Variants in GTF2IRD1 observed in about 807,000 individuals in gnomAD.
GTF2IRD1 encodes general transcription factor II-I repeat domain-containing protein 1.
A neutral mutation model predicts 113.2 loss-of-function variants in GTF2IRD1; 26 were observed. The observed-to-expected ratio is 0.23, with a 90% CI of 0.17 to 0.32. GTF2IRD1 has a LOEUF of 0.32. GTF2IRD1 is among the 10% of genes least tolerant of loss of function. GTF2IRD1 has a pLI of 1.00. For missense variants in GTF2IRD1, 864 were observed against 1,280.8 expected (o/e 0.67, Z 4.97); for synonymous variants, 484 against 529.1 (o/e 0.91, Z 1.17).
At position 74,465,535 on chromosome 7, in the gene GTF2IRD1, C is replaced by G. The variant is rs75638967; in HGVS notation, c.-7+11359C>G. Among the ~76,000 whole-genome samples, 482 of 152,258 alleles carry G rather than the reference C, an allele frequency of 3.2e-3. 5 individuals are homozygous for G. Among genetic ancestry groups the G allele is most frequent in the African/African-American group, 0.011 (464 of 41,546 alleles). The stretch of plus-strand genomic sequence containing the variant: ...AGGATAGTTTTCTTATATAGTATTG[C>G]CAGGTTCTTGGGAAAATCAGTGTAT... On this transcript the variant is annotated intron_variant, in intron 1 of 26. Coordinates refer to ENST00000424337, the MANE Select transcript of GTF2IRD1 (RefSeq NM_005685.4).
chr7:74,558,343 G>C (rs1365668260), intron 20 of GTF2IRD1, among the ~76,000 whole-genome samples: 1 of 74,010 alleles, frequency 1.4e-5, no homozygotes, highest in Non-Finnish European at 2.8e-5. Context: ...TTTTTCTTTC[G>C]TTTCTTTTTT....
At chr7:74,530,340 T>C (rs1480999492) in intron 9 of GTF2IRD1, among the ~76,000 whole-genome samples, 1 of 151,964 alleles carries the variant, frequency 6.6e-6, no homozygotes. Flanking sequence ...GCAGAATGAA[T>C]GGGTTCTCTA....
intron 22 of GTF2IRD1, among the ~76,000 whole-genome samples, chr7:74,584,087 G>A (rs1435798409): frequency 6.6e-6 from 1 of 152,230 alleles, no homozygotes; most frequent in Middle Eastern, 3.4e-3. Flanking sequence ...ACACAGCCAG[G>A]AAAAAGAGAC....
rs568560400 is a variant in GTF2IRD1, at chr7:74,505,027, T to G, written c.-6-3048T>G. ...CTGGCCCTGCTATCAGAATTTTTAT[T>G]TTTTATTTAAAAGACAGGGTCTTGC... On this transcript the variant is annotated intron_variant, in intron 1 of 26. Coordinates refer to ENST00000424337, the MANE Select transcript of GTF2IRD1 (RefSeq NM_005685.4). Among the ~76,000 whole-genome samples, 85 of 151,976 alleles carry G rather than the reference T, an allele frequency of 5.6e-4. 2 individuals carry two copies. Among genetic ancestry groups the G allele is most frequent in the African/African-American group, 1.9e-3 (77 of 41,490 alleles).
chr7:74,485,048 C>T (rs1554335349), intron 1 of GTF2IRD1, among the ~76,000 whole-genome samples: 1 of 152,160 alleles, frequency 6.6e-6, no homozygotes, highest in Non-Finnish European at 1.5e-5. Context: ...CTTCTGGCCT[C>T]AGATGCGTGG....
At position 74,523,398 on chromosome 7, in the gene GTF2IRD1, T is replaced by A. The variant is rs1453009610; in HGVS notation, c.1007-673T>A. Among the ~76,000 whole-genome samples the A allele has an allele frequency of 4.0e-5, 6 of 151,820 alleles. No homozygotes were observed. In the South Asian group the frequency reaches 6.2e-4, roughly 16 times the overall value. Reference sequence around the variant, plus strand: ...AGAGTGAGACCCTGTCTCTATTTTTTTAAAAAAATTTAAATTAAAAAATAA... The same window carrying A: ...AGAGTGAGACCCTGTCTCTATTTTTATAAAAAAATTTAAATTAAAAAATAA... On this transcript the variant is annotated intron_variant, in intron 7 of 26. Transcript: ENST00000424337.
intron 20 of GTF2IRD1, 87 bp from the exon 21 acceptor site, chr7:74,558,774 T>A (rs1441517330): frequency 1.1e-4 from 115 of 1,040,170 alleles, no homozygotes; most frequent in Non-Finnish European, 1.4e-4. Flanking sequence ...CACGCATGTC[T>A]TTCCATCACA....
At position 74,518,155 on chromosome 7, in the gene GTF2IRD1, G is replaced by C; in HGVS notation, c.438G>C (p.Arg146Ser). 4 of 1,595,242 alleles carry C rather than the reference G, an allele frequency of 2.5e-6. No homozygotes were observed. Among genetic ancestry groups the C allele is most frequent in the South Asian group, 1.1e-5 (1 of 89,680 alleles). ...CCCCTACAGGCGAGGCCCTGGGAAG[G>C]GCCAGTGTGGTGCCACTGCCCTATG... ...FDVLYSEALG[R>S]ASVVPLPYER... Residue 146 changes from arginine to serine, a missense_variant, in exon 5 of 27, where the codon AGG becomes AGC. Around this residue, in one of 7 missense-constraint regions of GTF2IRD1, gnomAD observed 182 missense variants for 266.6 expected, o/e 0.68. Coordinates refer to ENST00000424337, the MANE Select transcript of GTF2IRD1 (RefSeq NM_005685.4).
chr7:74,531,761 C>G (rs931731258), intron 9 of GTF2IRD1, among the ~76,000 whole-genome samples: 1 of 152,110 alleles, frequency 6.6e-6, no homozygotes, highest in African/African-American at 2.4e-5. Context: ...GGTAGAGTCT[C>G]TGCCCTGGCC....
chr7:74,458,866 G>A (rs373349796), intron 1 of GTF2IRD1, among the ~76,000 whole-genome samples: 438 of 40,176 alleles, frequency 0.011, 1 homozygote, highest in African/African-American at 0.079. Flanking sequence ...TGTTCGCCAG[G>A]CTGGTCTTGA....
intron 22 of GTF2IRD1, among the ~76,000 whole-genome samples, chr7:74,571,590 A>G (rs1800697930): frequency 6.6e-6 from 1 of 152,218 alleles, no homozygotes; most frequent in South Asian, 2.1e-4. Flanking sequence ...AGCTGGGCAC[A>G]GTGGCTCACG....
intron 14 of GTF2IRD1, among the ~76,000 whole-genome samples, chr7:74,541,106 C>A (rs1343590412): frequency 6.6e-6 from 1 of 151,644 alleles, no homozygotes; most frequent in Non-Finnish European, 1.5e-5. Flanking sequence ...CTAGGTCCTG[C>A]GTAAGGGGCT....
chr7:74,454,589 C>CT (rs1317978280), intron 1 of GTF2IRD1, among the ~76,000 whole-genome samples: 6 of 23,444 alleles, frequency 2.6e-4, no homozygotes, highest in African/African-American at 2.3e-3. Context: ...CCCCGCCTTT[C>CT]CCCCCTCCAC....
At chr7:74,525,484 G>T (rs781889923) in intron 8 of GTF2IRD1, among the ~76,000 whole-genome samples, 1 of 152,200 alleles carries the variant, frequency 6.6e-6, no homozygotes, top group Non-Finnish European at 1.5e-5. Flanking sequence ...AGGCGCTGTG[G>T]CTCATGCCTG....
intron 1 of GTF2IRD1, among the ~76,000 whole-genome samples, chr7:74,475,647 G>A (rs1012078714): frequency 2.0e-5 from 3 of 152,214 alleles, no homozygotes; most frequent in Admixed American, 6.5e-5. Flanking sequence ...GCCAAGGCTC[G>A]GGCAAGCCCA....
In GTF2IRD1 at chr7:74,515,604, C is replaced by G; in HGVS notation, c.421+8C>G. The G allele has an allele frequency of 6.2e-7, 1 of 1,601,168 alleles. No individual in the cohort carries two copies. Among genetic ancestry groups the G allele is most frequent in the Non-Finnish European group, 8.5e-7 (1 of 1,170,278 alleles). On this transcript the variant is annotated splice_region_variant and intron_variant, in intron 4 of 26. Transcript: ENST00000424337. ...TGTTTGATGTTCTTTATAGTAAGAT[C>G]CTTCCTCATTCCATTTGGGGGCCCC...
At position 74,519,557 on chromosome 7, in the gene GTF2IRD1, T is replaced by A. The variant is rs1295536040; in HGVS notation, c.754T>A (p.Ser252Thr). Reference sequence around the variant, plus strand: ...CCTGCCCCCAACCGCCACCTCCTCCTCCATGGCCAGCTTCCTGTACAGCAC... The same window carrying A: ...CCTGCCCCCAACCGCCACCTCCTCCACCATGGCCAGCTTCCTGTACAGCAC... Reference protein sequence around the residue: ...QDLPPTATSSSMASFLYSTAL... With the variant: ...QDLPPTATSSTMASFLYSTAL... Residue 252 changes from serine to threonine, a missense_variant, in exon 6 of 27, where the codon TCC becomes ACC. Physicochemically the swap from Ser to Thr is moderately conservative, Grantham distance 58. Transcript: ENST00000424337. 2 of 1,611,754 alleles carry A rather than the reference T, an allele frequency of 1.2e-6. No homozygotes were observed. The highest frequency in any genetic ancestry group is 8.5e-7 in the Non-Finnish European group (1 of 1,179,408).
At chr7:74,571,900 A>G (rs1304382814) in intron 22 of GTF2IRD1, among the ~76,000 whole-genome samples, 2 of 151,844 alleles carry the variant, frequency 1.3e-5, no homozygotes, top group Non-Finnish European at 2.9e-5. Flanking sequence ...AGATCATTCC[A>G]CTTACACTCA....
At chr7:74,456,330 G>C (rs1239096816) in intron 1 of GTF2IRD1, among the ~76,000 whole-genome samples, 10 of 152,160 alleles carry the variant, frequency 6.6e-5, no homozygotes, top group African/African-American at 2.4e-4. Flanking sequence ...GCAGCTCCCA[G>C]ATGATTCTCA....
Sources: gnomAD v4.1 joint callset for allele counts (sites outside exome capture counted in the v4.1 genomes callset) on GRCh38, gnomAD v4.1.1 for gene constraint, gnomAD v4.1.1 regional missense constraint, MANE v1.5 for transcripts, NCBI Gene and HGNC (gene_info 2026-07-23, HGNC 2026-07-21) for gene names.